MEGF10: variants seen among roughly 807,000 people sequenced by gnomAD.
MEGF10 encodes the protein multiple epidermal growth factor-like domains protein 10.
In MEGF10, 86 loss-of-function variants were observed where a neutral mutation model predicts 147.5. The observed-to-expected ratio is 0.58, with a 90% CI of 0.49 to 0.70. The LOEUF (loss-of-function observed/expected upper bound fraction) is 0.70. Ranked by LOEUF, MEGF10 falls within the 30% of genes least tolerant of loss-of-function variation. The pLI is 0.00. For missense variants in MEGF10, 1,329 were observed against 1,487.3 expected (o/e 0.89, Z 1.75); for synonymous variants, 478 against 525.5 (o/e 0.91, Z 1.24).
At chr5:127,423,962 A>G (rs1273818628) in intron 13 of MEGF10, among the ~76,000 whole-genome samples, 1 of 152,184 alleles carries the variant, frequency 6.6e-6, no homozygotes, top group Non-Finnish European at 1.5e-5. Flanking sequence ...CCAAGGTCAC[A>G]AGATTTATGT....
chr5:127,296,232 G>T (rs901498766), intron 1 of MEGF10, among the ~76,000 whole-genome samples: 1 of 152,202 alleles, frequency 6.6e-6, no homozygotes. Context: ...TCACTGTGTG[G>T]ATGTTATTTG....
chr5:127,446,595 T>C (rs1403815971), intron 20 of MEGF10, among the ~76,000 whole-genome samples: 1 of 152,178 alleles, frequency 6.6e-6, no homozygotes, highest in Non-Finnish European at 1.5e-5. Context: ...GAGATTTTAT[T>C]CCAGTGAACG....
chr5:127,303,413 GC>G (rs1759867998), intron 1 of MEGF10, among the ~76,000 whole-genome samples: 2 of 151,046 alleles, frequency 1.3e-5, no homozygotes, highest in South Asian at 4.2e-4. Context: ...AAACCCGGCT[GC>G]CAGTGCTTAA....
chr5:127,415,703 A>G (rs1764736531), intron 9 of MEGF10, among the ~76,000 whole-genome samples: 1 of 151,966 alleles, frequency 6.6e-6, no homozygotes, highest in Non-Finnish European at 1.5e-5. Flanking sequence ...CAGGAGTTCA[A>G]GATCAGCCTG....
At chr5:127,384,410 A>G (rs1204458950) in intron 5 of MEGF10, among the ~76,000 whole-genome samples, 3 of 152,244 alleles carry the variant, frequency 2.0e-5, no homozygotes, top group Non-Finnish European at 2.9e-5. Context: ...TCTTCTTTTC[A>G]CATCAGTGAA....
chr5:127,247,485 G>A, the MEGF10 span, among the ~76,000 whole-genome samples: 6 of 140,540 alleles, frequency 4.3e-5, no homozygotes, highest in East Asian at 2.2e-4. Context: ...AGAAGAAGAA[G>A]AAAAATTTAA....
chr5:127,258,897 G>A, the MEGF10 span, among the ~76,000 whole-genome samples: 1 of 152,162 alleles, frequency 6.6e-6, no homozygotes, highest in African/African-American at 2.4e-5. Context: ...CCAGTCTATG[G>A]TATTCTCTTA....
At chr5:127,302,018 T>C (rs898845963) in intron 1 of MEGF10, among the ~76,000 whole-genome samples, 1 of 152,208 alleles carries the variant, frequency 6.6e-6, no homozygotes, top group African/African-American at 2.4e-5. Flanking sequence ...TAAATGTCTT[T>C]TAAGATAGTA....
chr5:127,447,483 GTTA>G, intron 20 of MEGF10, 71 bp from the exon 21 acceptor site: 1 of 1,599,598 alleles, frequency 6.3e-7, no homozygotes, highest in Admixed American at 1.7e-5. Context: ...GGCCTGTTTT[GTTA>G]TTTTGATTCC....
At chr5:127,363,317 G>A (rs968470020) in intron 4 of MEGF10, among the ~76,000 whole-genome samples, 2 of 152,112 alleles carry the variant, frequency 1.3e-5, no homozygotes, top group Admixed American at 6.5e-5. Context: ...ACATAATAAG[G>A]ATCCTTATGT....
intron 1 of MEGF10, among the ~76,000 whole-genome samples, chr5:127,315,991 T>C (rs948140017): frequency 1.3e-5 from 2 of 152,236 alleles, no homozygotes; most frequent in Non-Finnish European, 2.9e-5. Context: ...CCACACATTG[T>C]TCTTTCTGGT....
intron 2 of MEGF10, among the ~76,000 whole-genome samples, chr5:127,332,444 A>G (rs1761298534): frequency 6.6e-6 from 1 of 152,182 alleles, no homozygotes; most frequent in African/African-American, 2.4e-5. Context: ...CCCCACTGTT[A>G]GGATGCATAA....
At chr5:127,265,696 C>T in the MEGF10 span, among the ~76,000 whole-genome samples, 1 of 152,058 alleles carries the variant, frequency 6.6e-6, no homozygotes, top group Non-Finnish European at 1.5e-5. Context: ...TTTCATGTGT[C>T]TGTTGGCTGC....
upstream of MEGF10, among the ~76,000 whole-genome samples, chr5:127,290,224 C>T (rs1192407384): frequency 1.3e-5 from 2 of 151,988 alleles, no homozygotes; most frequent in African/African-American, 4.8e-5. Context: ...GACTATCCCA[C>T]CCTCCACCCT....
the MEGF10 span, among the ~76,000 whole-genome samples, chr5:127,253,289 A>T: frequency 6.6e-6 from 1 of 151,974 alleles, no homozygotes; most frequent in African/African-American, 2.4e-5. Flanking sequence ...AGGAGTGTTT[A>T]GATAGGGGAA....
the MEGF10 span, among the ~76,000 whole-genome samples, chr5:127,239,518 T>TTA: frequency 6.2e-5 from 9 of 146,324 alleles, no homozygotes; most frequent in South Asian, 2.1e-4. Context: ...TGTATATACT[T>TTA]TATATATATA....
intron 1 of MEGF10, among the ~76,000 whole-genome samples, chr5:127,312,283 G>T (rs1036459555): frequency 6.0e-4 from 92 of 152,174 alleles, no homozygotes; most frequent in African/African-American, 2.2e-3. Context: ...ACCAGGCTTT[G>T]CTTGTTTGCC....
At chr5:127,307,903 G>A (rs1421861341) in intron 1 of MEGF10, among the ~76,000 whole-genome samples, 1 of 152,178 alleles carries the variant, frequency 6.6e-6, no homozygotes, top group Admixed American at 6.5e-5. Flanking sequence ...CCTCCATGGG[G>A]TAATAGAGCC....
At chr5:127,431,344 CA>C (rs1228320268) in intron 13 of MEGF10, among the ~76,000 whole-genome samples, 2 of 152,138 alleles carry the variant, frequency 1.3e-5, no homozygotes, top group Non-Finnish European at 2.9e-5. Context: ...TATAAAAAAG[CA>C]GCAAATACTT....
Sources: gnomAD v4.1 joint callset for allele counts (sites outside exome capture counted in the v4.1 genomes callset) on GRCh38, gnomAD v4.1.1 for gene constraint, MANE v1.5 for transcripts, NCBI Gene and HGNC (gene_info 2026-07-23, HGNC 2026-07-21) for gene names.